Variants in CSMD1 observed in about 807,000 individuals in gnomAD.
CSMD1 encodes the protein CUB and sushi domain-containing protein 1.
A neutral mutation model predicts 417.5 loss-of-function variants in CSMD1; 213 were observed. The observed-to-expected ratio is 0.51, with a 90% confidence interval of 0.46 to 0.57. CSMD1 has a LOEUF of 0.57. Ranked by LOEUF, CSMD1 falls within the 20% of genes least tolerant of loss-of-function variation. The pLI is 0.00. For synonymous variants in CSMD1, 2,862 were observed against 1,736.8 expected (o/e 1.65, Z -16.11); for missense variants, 6,923 against 4,529.7 (o/e 1.53, Z -15.17).
intron 2 of CSMD1, among the ~76,000 whole-genome samples, chr8:4,438,327 T>A (rs912395045): frequency 2.0e-5 from 3 of 152,184 alleles, no homozygotes; most frequent in African/African-American, 7.2e-5. Context: ...CAGCACCAAA[T>A]CTCCAGTCTC....
At chr8:4,270,853 G>A (rs1804543600) in intron 3 of CSMD1, among the ~76,000 whole-genome samples, 3 of 152,110 alleles carry the variant, frequency 2.0e-5, no homozygotes, top group South Asian at 2.1e-4. Context: ...CTTACTCACT[G>A]ATGCTTGAAA....
intron 3 of CSMD1, among the ~76,000 whole-genome samples, chr8:4,319,383 G>C (rs78286584): frequency 4.7e-4 from 71 of 152,102 alleles, no homozygotes; most frequent in African/African-American, 1.7e-3. Context: ...GAAATACTGA[G>C]CCTCTGGGGC....
At chr8:3,868,343 C>A (rs999023839) in intron 5 of CSMD1, among the ~76,000 whole-genome samples, 1 of 152,050 alleles carries the variant, frequency 6.6e-6, no homozygotes, top group Non-Finnish European at 1.5e-5. Flanking sequence ...TTTTTGCCTT[C>A]CTTTCTCCCT....
intron 1 of CSMD1, among the ~76,000 whole-genome samples, chr8:4,815,169 G>A (rs1050575991): frequency 2.6e-5 from 4 of 152,082 alleles, no homozygotes; most frequent in African/African-American, 4.8e-5. Context: ...AATAATGAAT[G>A]TCTCCAGATC....
chr8:4,411,546 C>G (rs1056213597), intron 3 of CSMD1, among the ~76,000 whole-genome samples: 4 of 152,146 alleles, frequency 2.6e-5, no homozygotes, highest in Non-Finnish European at 2.9e-5. Flanking sequence ...CTATAGTATT[C>G]ATTAATTAAT....
At chr8:3,934,615 C>G (rs1300938850) in intron 5 of CSMD1, among the ~76,000 whole-genome samples, 1 of 152,056 alleles carries the variant, frequency 6.6e-6, no homozygotes, top group Non-Finnish European at 1.5e-5. Context: ...AGCACTTTGG[C>G]AGGCCAAGGA....
intron 1 of CSMD1, among the ~76,000 whole-genome samples, chr8:4,793,680 G>T (rs774417033): frequency 1.3e-5 from 2 of 152,074 alleles, no homozygotes; most frequent in African/African-American, 4.8e-5. Context: ...CTCAGGAGAA[G>T]AAAGTGTACA....
chr8:4,528,708 A>C lies in CSMD1; in HGVS notation c.302+108634T>G, dbSNP rs187233071. 4.1e-4 allele frequency among the ~76,000 whole-genome samples: 62 copies of C among 152,284 alleles called. 1 individual carries two copies. In the East Asian group the frequency reaches 0.011, roughly 26 times the overall value. ...TCTCCAATGTATATATTAATTATGTACAGCTTTTTGTAGGTCAAAAAAATG... is the reference window on the plus strand; with the variant it reads ...TCTCCAATGTATATATTAATTATGTCCAGCTTTTTGTAGGTCAAAAAAATG... On this transcript the variant is annotated intron_variant, in intron 2 of 69. Transcript: ENST00000635120.
intron 1 of CSMD1, among the ~76,000 whole-genome samples, chr8:4,878,178 G>A (rs1230310782): frequency 6.6e-6 from 1 of 152,048 alleles, no homozygotes; most frequent in Admixed American, 6.6e-5. Flanking sequence ...AGTTTGTTTT[G>A]GAGGTGGTTC....
chr8:3,122,142 C>A (rs1300176686), intron 41 of CSMD1, among the ~76,000 whole-genome samples: 1 of 152,050 alleles, frequency 6.6e-6, no homozygotes, highest in African/African-American at 2.4e-5. Context: ...GAGATGTAAT[C>A]TTTATAACTC....
At chr8:4,465,985 A>C (rs1273349368) in intron 2 of CSMD1, among the ~76,000 whole-genome samples, 2 of 152,218 alleles carry the variant, frequency 1.3e-5, no homozygotes, top group East Asian at 3.8e-4. Context: ...GACAGATGGG[A>C]AAAGACTGAG....
At chr8:4,650,212 G>A (rs974216284) in intron 1 of CSMD1, among the ~76,000 whole-genome samples, 1 of 151,864 alleles carries the variant, frequency 6.6e-6, no homozygotes, top group South Asian at 2.1e-4. Context: ...GGGTGTGGTG[G>A]CGGGCGCCTG....
At chr8:3,886,109 G>C (rs893631088) in intron 5 of CSMD1, among the ~76,000 whole-genome samples, 1 of 151,990 alleles carries the variant, frequency 6.6e-6, no homozygotes, top group Non-Finnish European at 1.5e-5. Flanking sequence ...GGAGCACAGT[G>C]CTGCGATCTC....
At chr8:4,580,971 C>A (rs1799388277) in intron 2 of CSMD1, among the ~76,000 whole-genome samples, 1 of 152,194 alleles carries the variant, frequency 6.6e-6, no homozygotes, top group South Asian at 2.1e-4. Flanking sequence ...CAACGATTGT[C>A]CACCTCAGTC....
chr8:3,571,012 C>A (rs1799919794), intron 10 of CSMD1, among the ~76,000 whole-genome samples: 1 of 152,136 alleles, frequency 6.6e-6, no homozygotes, highest in Non-Finnish European at 1.5e-5. Context: ...GATGTATAAT[C>A]TGGATTTAAA....
At chr8:3,718,531 T>C (rs751808900) in intron 6 of CSMD1, among the ~76,000 whole-genome samples, 3 of 152,180 alleles carry the variant, frequency 2.0e-5, no homozygotes, top group East Asian at 3.9e-4. Flanking sequence ...ATATTCCTGA[T>C]TGGTTATCAG....
chr8:4,485,331 A>T (rs1315068433), intron 2 of CSMD1, among the ~76,000 whole-genome samples: 1 of 152,166 alleles, frequency 6.6e-6, no homozygotes, highest in African/African-American at 2.4e-5. Context: ...AAACTCTTCA[A>T]ACAACCTGTC....
At chr8:3,966,658 A>G (rs1403577736) in intron 5 of CSMD1, among the ~76,000 whole-genome samples, 1 of 152,020 alleles carries the variant, frequency 6.6e-6, no homozygotes, top group East Asian at 1.9e-4. Flanking sequence ...GGCAAAGACC[A>G]TGTGCTGTGT....
At chr8:3,306,115 T>G (rs1804820341) in intron 25 of CSMD1, among the ~76,000 whole-genome samples, 1 of 152,176 alleles carries the variant, frequency 6.6e-6, no homozygotes. Flanking sequence ...TAATATGCAT[T>G]TTCCTCACTC....
Sources: allele counts gnomAD v4.1 joint callset (sites outside exome capture counted in the v4.1 genomes callset), GRCh38; gene constraint gnomAD v4.1.1; transcripts MANE v1.5; gene names NCBI Gene and HGNC (gene_info 2026-07-23, HGNC 2026-07-21).